The following POU6F2 variants were observed in gnomAD, a reference collection of about 807,000 sequenced individuals.
The protein encoded by POU6F2 is POU domain, class 6, transcription factor 2.
POU6F2 carries 31 observed loss-of-function variants against 71.3 expected under a neutral mutation model. The ratio of observed to expected loss-of-function variants is 0.43; its 90% CI spans 0.33 to 0.59. The LOEUF (loss-of-function observed/expected upper bound fraction) is 0.59. POU6F2 is among the 20% of genes least tolerant of loss of function. POU6F2 has a pLI of 0.04. For missense variants in POU6F2, 783 were observed against 856.8 expected (o/e 0.91, Z 1.07); for synonymous variants, 347 against 355.7 (o/e 0.98, Z 0.27).
intron 1 of POU6F2, among the ~76,000 whole-genome samples, chr7:39,076,275 C>A (rs1055653429): frequency 3.3e-5 from 5 of 151,510 alleles, no homozygotes; most frequent in African/African-American, 1.2e-4. Context: ...TCCTTCCTAT[C>A]AATCAACCAG....
chr7:39,317,858 A>G (rs1785302797), intron 4 of POU6F2, among the ~76,000 whole-genome samples: 1 of 152,176 alleles, frequency 6.6e-6, no homozygotes, highest in Non-Finnish European at 1.5e-5. Flanking sequence ...GGGTTTGATG[A>G]GTTCCAAGGA....
At chr7:39,183,657 G>T (rs2128741942) in intron 2 of POU6F2, among the ~76,000 whole-genome samples, 1 of 152,280 alleles carries the variant, frequency 6.6e-6, no homozygotes, top group African/African-American at 2.4e-5. Flanking sequence ...TCTTTGGTCT[G>T]TGGAAAAATT....
intron 4 of POU6F2, among the ~76,000 whole-genome samples, chr7:39,275,098 A>C (rs1166271175): frequency 2.0e-5 from 3 of 152,144 alleles, no homozygotes; most frequent in Non-Finnish European, 4.4e-5. Flanking sequence ...TTAGGAAAAC[A>C]GGAAGTCAGA....
intron 2 of POU6F2, among the ~76,000 whole-genome samples, chr7:39,165,956 C>T (rs1014373594): frequency 6.6e-6 from 1 of 152,186 alleles, no homozygotes; most frequent in Admixed American, 6.5e-5. Flanking sequence ...AGTAAGCAAA[C>T]CACATCCTTC....
intron 1 of POU6F2, among the ~76,000 whole-genome samples, chr7:39,036,844 AG>A (rs1790076502): frequency 6.7e-6 from 1 of 150,322 alleles, no homozygotes; most frequent in Admixed American, 6.7e-5. Context: ...TTTAACTTGT[AG>A]GTCCATGGTG....
chr7:39,020,066 T>A (rs9986980), intron 1 of POU6F2, among the ~76,000 whole-genome samples: 10,517 of 152,158 alleles, frequency 0.069, 473 homozygotes, highest in African/African-American at 0.12. Context: ...CTAGGAAGTG[T>A]GGAACCAGGA....
rs548607774 is a variant in POU6F2, at chr7:38,999,704, G to A, written c.105+21646G>A. ...TCGACATATCCAATGACAGGTTTACGTGCTTTTTGCAATGACAATGCTGTG... is the reference window on the plus strand; with the variant it reads ...TCGACATATCCAATGACAGGTTTACATGCTTTTTGCAATGACAATGCTGTG... On this transcript the variant is annotated intron_variant, in intron 1 of 9. Transcript: ENST00000518318. Among the ~76,000 whole-genome samples, 3 of 152,198 alleles carry A rather than the reference G, an allele frequency of 2.0e-5. No individual in the cohort carries two copies. The East Asian group carries it at 5.8e-4, about 29-fold the overall frequency.
At chr7:39,196,585 A>T (rs10250849) in intron 2 of POU6F2, among the ~76,000 whole-genome samples, 3 of 151,968 alleles carry the variant, frequency 2.0e-5, no homozygotes, top group African/African-American at 7.2e-5. Context: ...ATGGAAAAAC[A>T]CTGTCTCTAC....
At chr7:39,282,269 T>G (rs1784575429) in intron 4 of POU6F2, among the ~76,000 whole-genome samples, 1 of 152,170 alleles carries the variant, frequency 6.6e-6, no homozygotes, top group Non-Finnish European at 1.5e-5. Context: ...TATTTCCTTT[T>G]CTGTGCAGAA....
intron 5 of POU6F2, among the ~76,000 whole-genome samples, chr7:39,364,651 T>C (rs1001156251): frequency 3.9e-5 from 6 of 152,250 alleles, no homozygotes; most frequent in Non-Finnish European, 7.3e-5. Context: ...CCACAGTTTC[T>C]TTATCCACTC....
At chr7:39,087,881 T>C (rs1343566735) in intron 2 of POU6F2, among the ~76,000 whole-genome samples, 1 of 152,172 alleles carries the variant, frequency 6.6e-6, no homozygotes, top group Non-Finnish European at 1.5e-5. Flanking sequence ...AGATTTGTTA[T>C]GCTACGTCTT....
At chr7:39,320,382 T>C (rs1785361261) in intron 4 of POU6F2, among the ~76,000 whole-genome samples, 1 of 152,186 alleles carries the variant, frequency 6.6e-6, no homozygotes, top group African/African-American at 2.4e-5. Flanking sequence ...GATAGGTGTC[T>C]CTGGATGAAC....
rs915570171 is a variant in POU6F2, at chr7:39,290,975, G to A, written c.599-48667G>A. Among the ~76,000 whole-genome samples the A allele has an allele frequency of 5.5e-5, 8 of 145,936 alleles. 1 individual carries two copies. The highest frequency in any genetic ancestry group is 4.1e-4 in the East Asian group (2 of 4,898). On this transcript the variant is annotated intron_variant, in intron 4 of 9. Coordinates refer to ENST00000518318, the MANE Select transcript of POU6F2 (RefSeq NM_001370959.1). ...AATCTGGATTTATCAAGCCCCTTTG[G>A]TCCAGGTCTCTGAACTAATATTTAG...
intron 4 of POU6F2, among the ~76,000 whole-genome samples, chr7:39,320,119 C>A (rs2128768731): frequency 6.6e-6 from 1 of 152,298 alleles, no homozygotes; most frequent in Non-Finnish European, 1.5e-5. Context: ...GGCAGAGAGG[C>A]TTTAACTCTT....
At chr7:39,130,381 G>A (rs540099971) in intron 2 of POU6F2, among the ~76,000 whole-genome samples, 1 of 152,170 alleles carries the variant, frequency 6.6e-6, no homozygotes, top group African/African-American at 2.4e-5. Context: ...CAGGATGCCT[G>A]ATTTAGACGC....
chr7:39,155,666 G>A (rs1001053249), intron 2 of POU6F2, among the ~76,000 whole-genome samples: 1 of 152,184 alleles, frequency 6.6e-6, no homozygotes, highest in African/African-American at 2.4e-5. Flanking sequence ...ACTACATGTT[G>A]TGTCAGAGGA....
chr7:39,025,997 C>A (rs1378059411), intron 1 of POU6F2, among the ~76,000 whole-genome samples: 2 of 152,070 alleles, frequency 1.3e-5, no homozygotes, highest in African/African-American at 2.4e-5. Context: ...ACACATGAAA[C>A]AATGCTCATC....
At chr7:39,295,114 G>A (rs559548806) in intron 4 of POU6F2, among the ~76,000 whole-genome samples, 1 of 150,044 alleles carries the variant, frequency 6.7e-6, no homozygotes, top group African/African-American at 2.4e-5. Flanking sequence ...CATTCTGGTA[G>A]TCCTAAGCAA....
At chr7:39,279,095 G>A (rs546352077) in intron 4 of POU6F2, among the ~76,000 whole-genome samples, 5 of 152,216 alleles carry the variant, frequency 3.3e-5, no homozygotes, top group South Asian at 2.1e-4. Context: ...TGTCATGCAC[G>A]GCCATTCAGA....
Sources: gnomAD v4.1 joint callset for allele counts (sites outside exome capture counted in the v4.1 genomes callset) on GRCh38, gnomAD v4.1.1 for gene constraint, MANE v1.5 for transcripts, NCBI Gene and HGNC (gene_info 2026-07-23, HGNC 2026-07-21) for gene names.